Variants in SMARCA2 observed in about 807,000 individuals in gnomAD.
The protein encoded by SMARCA2 is SWI/SNF-related matrix-associated actin-dependent regulator of chromatin subfamily A member 2.
In SMARCA2, 61 loss-of-function variants were observed where a neutral mutation model predicts 199.8. That is an observed-to-expected ratio of 0.31 (90% CI 0.25 to 0.38). The LOEUF (loss-of-function observed/expected upper bound fraction) is 0.38. Among genes scored for constraint, SMARCA2 ranks in the 10% least tolerant of loss-of-function variants. The pLI is 1.00. For synonymous variants in SMARCA2, 935 were observed against 732.0 expected (o/e 1.28, Z -4.48); for missense variants, 1,344 against 2,012.2 (o/e 0.67, Z 6.35).
Position 2,086,697 on chromosome 9 carries a change from G to A in SMARCA2, c.2527-132G>A. On this transcript the variant is annotated intron_variant, in intron 17 of 33. Transcript: ENST00000349721. The surrounding 1 kb of genome is among the most constrained non-coding windows in gnomAD (Gnocchi z 4.3). ...CATGAGACATTGTTGAGATTCCCTT[G>A]TCTCAAAGGTAATCACAGCATATCA... 1 of 903,794 alleles carries A rather than the reference G, an allele frequency of 1.1e-6. No individual in the cohort carries two copies. Among genetic ancestry groups the A allele is most frequent in the Non-Finnish European group, 1.7e-6 (1 of 582,182 alleles). The allele number at this position is 903,794 out of a possible 1,614,324, so 56.0% of individuals were successfully genotyped here.
At chr9:2,058,123 G>C in intron 7 of SMARCA2, 168 bp from the exon 8 acceptor site, 1 of 629,780 alleles carries the variant, frequency 1.6e-6, no homozygotes, top group Admixed American at 2.6e-5. Flanking sequence ...CAGCCCCATG[G>C]CCCACACCTT....
chr9:2,101,702 C>T, intron 22 of SMARCA2, 86 bp downstream of exon 22: 2 of 670,056 alleles, frequency 3.0e-6, no homozygotes, highest in Non-Finnish European at 5.2e-6. Flanking sequence ...TCCTCTTGTG[C>T]AAATACTTAC....
In SMARCA2 at chr9:2,110,496, AC is replaced by A. The variant is rs1451671851; in HGVS notation, c.3456+80del. The A allele has an allele frequency of 3.2e-5, 39 of 1,209,348 alleles. No individual in the cohort carries two copies. The highest frequency in any genetic ancestry group is 4.5e-5 in the Non-Finnish European group (39 of 875,016). The allele number at this position is 1,209,348 out of a possible 1,614,324, so 74.9% of individuals were successfully genotyped here. On this transcript the variant is annotated intron_variant, in intron 24 of 33. Transcript: ENST00000349721. This position sits in a 1 kb window ranked among gnomAD's most constrained non-coding sequence, Gnocchi z 4.8. The stretch of plus-strand genomic sequence containing the variant: ...ATGATCAGTTTCATTATTCACATTT[AC>A]AGGACAGAGCAAATATCTAAACGAG...
chr9:2,089,681 C>T (rs188358526), intron 19 of SMARCA2, among the ~76,000 whole-genome samples: 21 of 152,234 alleles, frequency 1.4e-4, no homozygotes, highest in East Asian at 1.9e-4. Flanking sequence ...GCATCTTGGA[C>T]GTAGAATGCT....
chr9:2,163,008 T>TG (rs1191576040), intron 28 of SMARCA2: 6 of 152,216 alleles, frequency 3.9e-5, no homozygotes, highest in Admixed American at 2.0e-4. Flanking sequence ...CCTGTAAGTG[T>TG]TTAACATGAA....
chr9:2,084,012 A>G (rs1821685001), intron 16 of SMARCA2, 74 bp from the exon 17 acceptor site: 1 of 763,010 alleles, frequency 1.3e-6, no homozygotes, highest in Non-Finnish European at 2.3e-6. Flanking sequence ...GGGCATCATT[A>G]AGCTATGAAA....
Position 2,170,125 on chromosome 9 carries a change from T to C in SMARCA2, c.4200-294T>C, listed in dbSNP as rs1181886382. On this transcript the variant is annotated intron_variant, in intron 28 of 33. Coordinates refer to ENST00000349721, the MANE Select transcript of SMARCA2 (RefSeq NM_003070.5). This position sits in a 1 kb window ranked among gnomAD's most constrained non-coding sequence, Gnocchi z 4.7. ...AGCCAGTGGCTGCCTGTCTCCCACC[T>C]TCTGGAACAGTGAATGGAACATGTA... 2.0e-5 allele frequency among the ~76,000 whole-genome samples: 3 copies of C among 152,206 alleles called. No individual in the cohort carries two copies. The highest frequency in any genetic ancestry group is 6.5e-5 in the Admixed American group (1 of 15,284).
intron 27 of SMARCA2, among the ~76,000 whole-genome samples, chr9:2,136,697 G>C (rs1824211133): frequency 6.6e-6 from 1 of 152,148 alleles, no homozygotes; most frequent in East Asian, 1.9e-4. Flanking sequence ...GTTTGAGAGA[G>C]ACTATTAATA....
chr9:2,143,169 A>G (rs1824548197), intron 27 of SMARCA2, among the ~76,000 whole-genome samples: 1 of 152,182 alleles, frequency 6.6e-6, no homozygotes, highest in South Asian at 2.1e-4. Context: ...TTAAAAGATG[A>G]GGATGCTTTG....
At chr9:2,174,122 C>G (rs992287629) in intron 29 of SMARCA2, among the ~76,000 whole-genome samples, 7 of 152,160 alleles carry the variant, frequency 4.6e-5, no homozygotes, top group South Asian at 2.1e-4. Context: ...CAGAATGCTT[C>G]CCCTTATCTT....
chr9:2,109,877 C>T (rs1240723536), intron 23 of SMARCA2, among the ~76,000 whole-genome samples: 1 of 152,068 alleles, frequency 6.6e-6, no homozygotes, highest in Non-Finnish European at 1.5e-5. Flanking sequence ...GTTTTAAGTG[C>T]ACGTGTGTGT....
At chr9:2,087,177 A>C in intron 18 of SMARCA2, 106 bp downstream of exon 18, 1 of 1,375,122 alleles carries the variant, frequency 7.3e-7, no homozygotes, top group Admixed American at 2.1e-5. Flanking sequence ...GGTGGTTTCC[A>C]CTGTTGTTTA....
At chr9:2,137,327 C>G (rs1376189856) in intron 27 of SMARCA2, among the ~76,000 whole-genome samples, 2 of 152,190 alleles carry the variant, frequency 1.3e-5, no homozygotes, top group African/African-American at 4.8e-5. Flanking sequence ...ATCAGGTTCT[C>G]CAGTGGCCTT....
At chr9:2,107,526 C>T (rs1415755883) in intron 23 of SMARCA2, among the ~76,000 whole-genome samples, 3 of 152,080 alleles carry the variant, frequency 2.0e-5, no homozygotes, top group Non-Finnish European at 4.4e-5. Flanking sequence ...CCATGTTGGC[C>T]AGGGTGATCT....
At chr9:2,094,072 C>G (rs1479247567) in intron 19 of SMARCA2, among the ~76,000 whole-genome samples, 1 of 152,074 alleles carries the variant, frequency 6.6e-6, no homozygotes, top group African/African-American at 2.4e-5. Flanking sequence ...AAAGGGCCCT[C>G]AAGGTAGAGT....
chr9:2,082,350 T>TGTGTGTGTGTGTGTGA (rs370220959), intron 15 of SMARCA2, among the ~76,000 whole-genome samples: 2 of 140,636 alleles, frequency 1.4e-5, no homozygotes, highest in African/African-American at 5.5e-5. Context: ...TGTGTGTGTG[T>TGTGTGTGTGTGTGTGA]GATTTCTTTG....
intron 27 of SMARCA2, among the ~76,000 whole-genome samples, chr9:2,154,328 T>A (rs1272599160): frequency 6.6e-6 from 1 of 152,234 alleles, no homozygotes; most frequent in Admixed American, 6.5e-5. Flanking sequence ...GTATTAATGA[T>A]GCTGTGTATC....
intron 27 of SMARCA2, among the ~76,000 whole-genome samples, chr9:2,143,833 A>T (rs1824582891): frequency 6.6e-6 from 1 of 152,246 alleles, no homozygotes. Context: ...AAAGAAGCGC[A>T]GGCTAGAGAG....
intron 29 of SMARCA2, among the ~76,000 whole-genome samples, chr9:2,172,703 C>T (rs142526914): frequency 1.3e-5 from 2 of 152,040 alleles, no homozygotes; most frequent in Non-Finnish European, 2.9e-5. Flanking sequence ...GTGACTGTTA[C>T]GAGCACTGTT....
Sources: gnomAD v4.1 joint callset for allele counts (sites outside exome capture counted in the v4.1 genomes callset) on GRCh38, gnomAD v4.1.1 for gene constraint, Gnocchi (gnomAD v3.1) non-coding constraint, MANE v1.5 for transcripts, NCBI Gene and HGNC (gene_info 2026-07-23, HGNC 2026-07-21) for gene names.